The following MTCL1 variants were observed in gnomAD, a reference collection of about 807,000 sequenced individuals.
MTCL1 encodes microtubule cross-linking factor 1.
Under a neutral mutation model 141.4 loss-of-function variants are expected in MTCL1, and 79 were observed. The observed-to-expected ratio is 0.56, with a 90% confidence interval of 0.47 to 0.67. MTCL1 has a LOEUF of 0.67. MTCL1 is among the 30% of genes least tolerant of loss of function. The probability of loss-of-function intolerance (pLI) is 0.00; values close to 1 mark genes in which losing one functional copy is unlikely to be tolerated. For missense variants in MTCL1, 2,177 were observed against 2,113.9 expected (o/e 1.03, Z -0.59); for synonymous variants, 914 against 875.8 (o/e 1.04, Z -0.77).
rs1001672352 is a variant in MTCL1 at position 8,776,912 on chromosome 18, A to G, written c.358-921A>G. 7.2e-5 allele frequency among the ~76,000 whole-genome samples: 11 copies of G among 151,974 alleles called. No individual in the cohort carries two copies. In the South Asian group the frequency reaches 8.3e-4, roughly 11 times the overall value. ...TAGTAGCTGAGACTACAGGCACATG[A>G]CTCCACACCCAGCTAAGTTTTTAAA... On this transcript the variant is annotated intron_variant, in intron 4 of 16. Coordinates refer to ENST00000359865, the Ensembl canonical transcript of MTCL1.
chr18:8,760,157 G>A (rs1273838493), intron 4 of MTCL1, among the ~76,000 whole-genome samples: 1 of 152,208 alleles, frequency 6.6e-6, no homozygotes, highest in African/African-American at 2.4e-5. Flanking sequence ...TCAGCAGGAG[G>A]TGGACAGTCC....
chr18:8,731,517 T>C (rs2148868242), intron 4 of MTCL1, among the ~76,000 whole-genome samples: 1 of 151,704 alleles, frequency 6.6e-6, no homozygotes, highest in Admixed American at 6.6e-5. Flanking sequence ...GAGGTTGCAG[T>C]GAGCCAAGAT....
intron 3 of MTCL1, chr18:8,720,133 A>C: frequency 1.8e-6 from 1 of 542,266 alleles, no homozygotes; most frequent in African/African-American, 1.9e-5. Context: ...CAGACCAGCC[A>C]GAGTGGCCTT....
chr18:8,789,821 G>A (rs1018218329), intron 7 of MTCL1: 1 of 568,478 alleles, frequency 1.8e-6, no homozygotes, highest in Non-Finnish European at 2.2e-6. Flanking sequence ...TATGTGTCAT[G>A]TGAAACTTTT....
chr18:8,722,913 C>G (rs2096183009), intron 4 of MTCL1, among the ~76,000 whole-genome samples: 1 of 152,174 alleles, frequency 6.6e-6, no homozygotes, highest in Non-Finnish European at 1.5e-5. Flanking sequence ...GATTTGGCAT[C>G]TCTTTGAAGG....
At chr18:8,789,538 G>A (rs1198430916) in intron 7 of MTCL1, 1 of 985,368 alleles carries the variant, frequency 1.0e-6, no homozygotes, top group Non-Finnish European at 1.2e-6. Flanking sequence ...GTCAATCAGT[G>A]TGGGATGCAG....
At chr18:8,803,277 G>A (rs925883868) in intron 10 of MTCL1, among the ~76,000 whole-genome samples, 1 of 152,138 alleles carries the variant, frequency 6.6e-6, no homozygotes, top group Non-Finnish European at 1.5e-5. Context: ...CTGCAGTCCA[G>A]GATCTCACTT....
intron 10 of MTCL1, among the ~76,000 whole-genome samples, chr18:8,800,123 G>A (rs1006796217): frequency 3.9e-5 from 6 of 152,328 alleles, no homozygotes; most frequent in South Asian, 2.1e-4. Context: ...CTACTGTAAC[G>A]ACAGCTGGTT....
chr18:8,727,879 C>A (rs991344129), intron 4 of MTCL1, among the ~76,000 whole-genome samples: 6 of 131,028 alleles, frequency 4.6e-5, no homozygotes, highest in African/African-American at 1.8e-4. Flanking sequence ...TCTCTCCCTG[C>A]TTCCCTCCCT....
exon 15 of MTCL1, chr18:8,826,163 C>T: frequency 6.2e-7 from 1 of 1,612,762 alleles, no homozygotes; most frequent in Admixed American, 1.7e-5. Flanking sequence ...GGCAGGCTGC[C>T]CACGGGCCCC....
At chr18:8,825,928 C>T in exon 15 of MTCL1, 1 of 1,607,530 alleles carries the variant, frequency 6.2e-7, no homozygotes, top group Non-Finnish European at 8.5e-7. Flanking sequence ...TCTCGCTCAG[C>T]AGAGCCCCGA....
intron 7 of MTCL1, among the ~76,000 whole-genome samples, chr18:8,790,935 A>C (rs139381192): frequency 0.012 from 1,837 of 152,284 alleles, 38 homozygotes; most frequent in African/African-American, 0.042. Flanking sequence ...GAATCGCTTG[A>C]ACCTGGGAGG....
chr18:8,720,524 C>T (rs939985544), intron 4 of MTCL1, 28 bp downstream of exon 3: 1 of 1,599,830 alleles, frequency 6.3e-7, no homozygotes, highest in South Asian at 1.1e-5. Context: ...GGGTCCTGCC[C>T]CCTTGGATTT....
intron 10 of MTCL1, 82 bp downstream of exon 9, chr18:8,798,373 C>A: frequency 8.1e-7 from 1 of 1,233,074 alleles, no homozygotes. Flanking sequence ...CGTTTTGTTT[C>A]CAGTGTTGGC....
chr18:8,828,984 T>C lies in MTCL1; in HGVS notation c.*18+20T>C. 6.2e-7 allele frequency: 1 copy of C among 1,614,154 alleles called. No homozygotes were observed. The highest frequency in any genetic ancestry group is 8.5e-7 in the Non-Finnish European group (1 of 1,180,008). The stretch of plus-strand genomic sequence containing the variant: ...CACGCTGTAAGTGCTTCCTTCCTTG[T>C]TTCCCAACTGTCTGGAGAGGTCGTG... On this transcript the variant is annotated intron_variant, in intron 16 of 16. Transcript: ENST00000359865. The surrounding 1 kb of genome is among the most constrained non-coding windows in gnomAD (Gnocchi z 5.2).
intron 10 of MTCL1, among the ~76,000 whole-genome samples, chr18:8,805,790 G>A (rs753868850): frequency 1.3e-5 from 2 of 152,298 alleles, no homozygotes; most frequent in Admixed American, 6.5e-5. Flanking sequence ...CCCTGAGACC[G>A]CCCTGAGAGC....
intron 7 of MTCL1, among the ~76,000 whole-genome samples, chr18:8,790,181 GC>G: frequency 6.6e-6 from 1 of 152,178 alleles, no homozygotes; most frequent in Non-Finnish European, 1.5e-5. Flanking sequence ...AAACAGAAGA[GC>G]ACGTTTTAAA....
At chr18:8,723,649 C>T (rs182944687) in intron 4 of MTCL1, among the ~76,000 whole-genome samples, 1 of 152,334 alleles carries the variant, frequency 6.6e-6, no homozygotes, top group Admixed American at 6.5e-5. Context: ...ACTTTAGACT[C>T]TGTTCAGAAC....
intron 4 of MTCL1, among the ~76,000 whole-genome samples, chr18:8,770,119 TC>T (rs2096478891): frequency 6.6e-6 from 1 of 152,166 alleles, no homozygotes; most frequent in Non-Finnish European, 1.5e-5. Context: ...GGAAGGTAGC[TC>T]TGAGGGTCTG....
Sources: gnomAD v4.1 joint callset for allele counts (sites outside exome capture counted in the v4.1 genomes callset) on GRCh38, gnomAD v4.1.1 for gene constraint, Gnocchi (gnomAD v3.1) non-coding constraint, MANE v1.5 for transcripts, NCBI Gene and HGNC (gene_info 2026-07-23, HGNC 2026-07-21) for gene names.